MRTFB: variants seen among roughly 807,000 people sequenced by gnomAD.
MRTFB encodes myocardin related transcription factor B.
Under a neutral mutation model 104.2 loss-of-function variants are expected in MRTFB, and 29 were observed. The ratio of observed to expected loss-of-function variants is 0.28; its 90% CI spans 0.21 to 0.38. The LOEUF is 0.38. Among genes scored for constraint, MRTFB ranks in the 10% least tolerant of loss-of-function variants. The pLI is 1.00. For synonymous variants in MRTFB, 535 were observed against 519.5 expected, an observed-to-expected ratio of 1.03 and a Z score of -0.41; for missense variants, 1,270 against 1,341.6, an observed-to-expected ratio of 0.95 and a Z score of 0.83.
chr16:14,091,164 G>A lies in MRTFB; in HGVS notation c.-64+11810G>A, dbSNP rs774655196. Among the ~76,000 whole-genome samples the A allele has an allele frequency of 4.6e-5, 7 of 152,088 alleles. No homozygotes were observed. In the East Asian group the frequency reaches 1.2e-3, roughly 25 times the overall value. On this transcript the variant is annotated intron_variant, in intron 2 of 16. Transcript: ENST00000571589. ...CAGGCAACCCATTAGGCTGTTACAC[G>A]AGTCCAGGTGACAGTTGATGAGGAC...
At chr16:14,152,358 G>A (rs2038657716) in intron 3 of MRTFB, 1 of 151,836 alleles carries the variant, frequency 6.6e-6, no homozygotes, top group Admixed American at 6.6e-5. Context: ...TATATCATAT[G>A]TTTTACAATG....
chr16:14,134,485 G>T, intron 2 of MRTFB, among the ~76,000 whole-genome samples: 1 of 152,214 alleles, frequency 6.6e-6, no homozygotes, highest in East Asian at 1.9e-4. Flanking sequence ...GGAACAAGAG[G>T]AGAGGGTTTC....
the MRTFB span, among the ~76,000 whole-genome samples, chr16:14,016,714 G>C: frequency 6.9e-6 from 1 of 145,286 alleles, no homozygotes; most frequent in Admixed American, 7.2e-5. Context: ...CGGAGGTTGC[G>C]GCGAGCCGAG....
At chr16:14,216,014 A>G (rs2041405912) in intron 6 of MRTFB, among the ~76,000 whole-genome samples, 1 of 152,238 alleles carries the variant, frequency 6.6e-6, no homozygotes, top group Non-Finnish European at 1.5e-5. Context: ...TTTATTTTTG[A>G]AGTTTTATCA....
chr16:14,233,781 CAAAAAAAAAAAAAA>C (rs1007606658), intron 8 of MRTFB, among the ~76,000 whole-genome samples: 4 of 49,994 alleles, frequency 8.0e-5, no homozygotes, highest in Non-Finnish European at 1.3e-4. Flanking sequence ...GACTCCCTCT[CAAAAAAAAAAAAAA>C]AAAAAAAAAG....
chr16:14,249,048 G>C lies in MRTFB; in HGVS notation c.2370G>C (p.Gln790His). The C allele has an allele frequency of 6.2e-7, 1 of 1,614,134 alleles. No homozygotes were observed. The highest frequency in any genetic ancestry group is 2.2e-5 in the East Asian group (1 of 44,872). Reference protein sequence around the residue: ...TVPQTQDTFPQHVLSQPQQVR... With the variant: ...TVPQTQDTFPHHVLSQPQQVR... ...CTCAGACACAAGACACGTTCCCGCA[G>C]CATGTGCTCAGTCAGCCTCAACAAG... is the stretch of plus-strand genomic sequence containing the variant. Residue 790 changes from glutamine (Q) to histidine (H), a missense_variant, in exon 13 of 17, where the codon CAG becomes CAC. Gln to His is a conservative substitution (Grantham distance 24, BLOSUM62 0). Around this residue, in one of 3 missense-constraint regions of MRTFB, gnomAD observed 1,144 missense variants for 1,131.5 expected, o/e 1.01. Coordinates refer to ENST00000571589, the MANE Select transcript of MRTFB (RefSeq NM_001308142.2).
rs2043888425 is a variant in MRTFB at position 14,264,760 on chromosome 16, G to A, written c.*3316G>A. 1 of 152,218 alleles carries A rather than the reference G, an allele frequency of 6.6e-6. No individual in the cohort carries two copies. Among genetic ancestry groups the A allele is most frequent in the African/African-American group, 2.4e-5 (1 of 41,450 alleles). The allele number at this position is 152,218 out of a possible 1,614,324, so 9.4% of individuals were successfully genotyped here. A position where few individuals can be genotyped will look rare whatever the true frequency, so the allele number is the denominator to read the frequency against. On this transcript the variant is annotated 3_prime_UTR_variant, in exon 17 of 17. Coordinates refer to ENST00000571589, the MANE Select transcript of MRTFB (RefSeq NM_001308142.2). ...GCTGCCTATGGAAGGCAAAGTCATAGTAATGAGATAGCACCTCTGAACTGT... is the reference window on the plus strand; with the variant it reads ...GCTGCCTATGGAAGGCAAAGTCATAATAATGAGATAGCACCTCTGAACTGT...
At chr16:14,151,210 G>C (rs2038598684) in intron 3 of MRTFB, 1 of 152,132 alleles carries the variant, frequency 6.6e-6, no homozygotes, top group Non-Finnish European at 1.5e-5. Context: ...GTGTATGTAA[G>C]TTTTGGTAAA....
In MRTFB at chr16:14,251,920, C is replaced by T. The variant is rs1422505892; in HGVS notation, c.2462C>T (p.Pro821Leu). 6.2e-7 allele frequency: 1 copy of T among 1,614,216 alleles called. No individual in the cohort carries two copies. The stretch of plus-strand genomic sequence containing the variant: ...CTTCCATATCAGAGACATCCTGCCC[C>T]AGCTGTCCAGCAGCCCTTTATCAAT... ...TVLPYQRHPA[P>L]AVQQPFINKA... is the part of the protein sequence containing the mutation. The change falls in exon 14 of 17, where the codon CCA (proline) becomes CTA (leucine). Residue 821 changes from proline (P) to leucine (L), a missense_variant. By Grantham distance (98) the Pro-to-Leu change is moderately conservative (BLOSUM62 -3). This residue lies in a region of MRTFB where 1,144 missense variants were observed against 1,131.5 expected (regional missense o/e 1.01). Coordinates refer to ENST00000571589, the MANE Select transcript of MRTFB (RefSeq NM_001308142.2).
At chr16:14,062,397 C>T in the MRTFB span, among the ~76,000 whole-genome samples, 1 of 152,236 alleles carries the variant, frequency 6.6e-6, no homozygotes. Context: ...CCCACCCAGC[C>T]TCCAGGATCT....
chr16:14,000,840 C>T, the MRTFB span, among the ~76,000 whole-genome samples: 7 of 152,252 alleles, frequency 4.6e-5, no homozygotes, highest in Non-Finnish European at 7.3e-5. Flanking sequence ...TGGGACGACA[C>T]AGTGTCAAGG....
chr16:14,156,646 AGGAGG>A (rs1454882176), intron 3 of MRTFB, among the ~76,000 whole-genome samples: 1 of 152,208 alleles, frequency 6.6e-6, no homozygotes, highest in East Asian at 1.9e-4. Flanking sequence ...TGAAGCCTCA[AGGAGG>A]AAAGGTTTCA....
At position 14,234,276 on chromosome 16, in the gene MRTFB, T is replaced by C; in HGVS notation, c.824T>C (p.Leu275Pro). The change falls in exon 9 of 17, where the codon CTG becomes CCG. Residue 275 changes from leucine (L) to proline (P), a missense_variant. Coordinates refer to ENST00000571589, the MANE Select transcript of MRTFB (RefSeq NM_001308142.2). Reference protein sequence around the residue: ...TVSSAKPGPALVKQSHPKNPN... With the variant: ...TVSSAKPGPAPVKQSHPKNPN... ...TCCTCAGCAAAGCCTGGCCCAGCAC[T>C]GGTGAAGGTGGGTACTTTGGATACA... 1 of 1,613,934 alleles carries C rather than the reference T, an allele frequency of 6.2e-7. No individual in the cohort carries two copies. The highest frequency in any genetic ancestry group is 8.5e-7 in the Non-Finnish European group (1 of 1,179,924).
At chr16:14,080,125 GCCTTCTGCTTATATCATTGT>G (rs1279910575) in intron 2 of MRTFB, among the ~76,000 whole-genome samples, 1 of 152,052 alleles carries the variant, frequency 6.6e-6, no homozygotes, top group Non-Finnish European at 1.5e-5. Flanking sequence ...GTATTGATCA[GCCTTCTGCTTATATCATTGT>G]ATACTTGTTC....
chr16:14,129,363 A>G (rs2037324651), intron 2 of MRTFB, among the ~76,000 whole-genome samples: 1 of 152,160 alleles, frequency 6.6e-6, no homozygotes, highest in African/African-American at 2.4e-5. Context: ...GAGTCTTAAA[A>G]TTTCATCCGT....
intron 4 of MRTFB, 151 bp from the exon 5 acceptor site, chr16:14,212,203 T>C (rs1241021501): frequency 1.7e-5 from 11 of 660,278 alleles, no homozygotes; most frequent in Non-Finnish European, 7.7e-6. Context: ...ATTTAAGATT[T>C]CAAATTTTGC....
At chr16:14,073,512 C>T (rs111649813) in intron 1 of MRTFB, among the ~76,000 whole-genome samples, 3,082 of 152,240 alleles carry the variant, frequency 0.02, 107 homozygotes, top group African/African-American at 0.069. Flanking sequence ...AAGTGTCTGA[C>T]GTACAAAAAG....
rs989644384 is a variant in MRTFB, at chr16:14,156,505, C to T, written c.154+15745C>T. Among the ~76,000 whole-genome samples the T allele has an allele frequency of 2.6e-5, 4 of 152,174 alleles. No homozygotes were observed. In the South Asian group the frequency reaches 8.3e-4, roughly 32 times the overall value. On this transcript the variant is annotated intron_variant, in intron 3 of 16. Coordinates refer to ENST00000571589, the MANE Select transcript of MRTFB (RefSeq NM_001308142.2). ...TTGGTTCTCATGGCAAGTAGCTTTT[C>T]ACTTTTGCTGTTGATACAGAATGGT...
intron 15 of MRTFB, among the ~76,000 whole-genome samples, chr16:14,257,047 A>G (rs1028755605): frequency 1.3e-5 from 2 of 152,254 alleles, no homozygotes; most frequent in African/African-American, 4.8e-5. Flanking sequence ...CAATACCGCT[A>G]CACACCTAAT....
Sources: allele counts gnomAD v4.1 joint callset (sites outside exome capture counted in the v4.1 genomes callset), GRCh38; gene constraint gnomAD v4.1.1; regional missense constraint gnomAD v4.1.1; transcripts MANE v1.5; gene names NCBI Gene and HGNC (gene_info 2026-07-23, HGNC 2026-07-21).